CA10: variants seen among roughly 807,000 people sequenced by gnomAD.
CA10 encodes carbonic anhydrase 10 (inactive).
A neutral mutation model predicts 44.2 loss-of-function variants in CA10; 14 were observed. The observed-to-expected ratio is 0.32, with a 90% CI of 0.21 to 0.50. The LOEUF (loss-of-function observed/expected upper bound fraction) is 0.50. Ranked by LOEUF, CA10 falls within the 20% of genes least tolerant of loss-of-function variation. The pLI is 0.99. For missense variants in CA10, 350 were observed against 409.7 expected (o/e 0.85, Z 1.26); for synonymous variants, 159 against 141.6 (o/e 1.12, Z -0.87).
intron 1 of CA10, among the ~76,000 whole-genome samples, chr17:52,111,799 G>A (rs1988793934): frequency 1.3e-5 from 2 of 152,098 alleles, no homozygotes; most frequent in Non-Finnish European, 2.9e-5. Flanking sequence ...ATCTCCTTCT[G>A]AATTAATCAG....
At chr17:51,832,747 T>C (rs1043075573) in intron 3 of CA10, among the ~76,000 whole-genome samples, 2 of 152,308 alleles carry the variant, frequency 1.3e-5, no homozygotes, top group Admixed American at 6.5e-5. Flanking sequence ...TTCACATATA[T>C]GTTTAGTCTC....
At chr17:51,729,709 C>T (rs558876610) in intron 4 of CA10, among the ~76,000 whole-genome samples, 1 of 152,192 alleles carries the variant, frequency 6.6e-6, no homozygotes, top group Non-Finnish European at 1.5e-5. Flanking sequence ...TGCATCATGC[C>T]TCCTACCAGC....
At chr17:51,693,717 C>A (rs1378683216) in intron 4 of CA10, among the ~76,000 whole-genome samples, 1 of 151,964 alleles carries the variant, frequency 6.6e-6, no homozygotes, top group Non-Finnish European at 1.5e-5. Context: ...TGTATATGTA[C>A]CATATTTTCT....
chr17:51,726,042 T>C (rs1054543599), intron 4 of CA10, among the ~76,000 whole-genome samples: 2 of 152,312 alleles, frequency 1.3e-5, no homozygotes, highest in East Asian at 3.9e-4. Flanking sequence ...ATAGCTCAGG[T>C]GCACATTTAA....
intron 3 of CA10, among the ~76,000 whole-genome samples, chr17:51,796,286 A>C (rs890766455): frequency 6.6e-6 from 1 of 151,922 alleles, no homozygotes; most frequent in Non-Finnish European, 1.5e-5. Flanking sequence ...ATCTCATGGA[A>C]GTTAATGAGA....
At chr17:51,693,904 C>A (rs993887889) in intron 4 of CA10, among the ~76,000 whole-genome samples, 3 of 152,014 alleles carry the variant, frequency 2.0e-5, no homozygotes, top group Admixed American at 6.6e-5. Flanking sequence ...GTTCTAAGTT[C>A]TTTAAGAAAT....
intron 3 of CA10, among the ~76,000 whole-genome samples, chr17:51,749,039 A>G (rs1352233326): frequency 1.1e-4 from 16 of 152,206 alleles, no homozygotes; most frequent in Non-Finnish European, 1.9e-4. Context: ...TCCAGGTTGA[A>G]ATAGTGGATT....
chr17:51,916,464 G>A (rs1416561428), intron 3 of CA10, among the ~76,000 whole-genome samples: 2 of 152,128 alleles, frequency 1.3e-5, no homozygotes, highest in East Asian at 1.9e-4. Context: ...ATTGAATCAC[G>A]GGAATGGGTC....
intron 4 of CA10, among the ~76,000 whole-genome samples, chr17:51,675,733 C>A (rs949517320): frequency 9.9e-5 from 15 of 151,408 alleles, no homozygotes; most frequent in Non-Finnish European, 2.1e-4. Context: ...AAAACAAAAA[C>A]AAAAAACACA....
At chr17:52,062,638 C>G (rs1357040499) in intron 2 of CA10, among the ~76,000 whole-genome samples, 1 of 152,180 alleles carries the variant, frequency 6.6e-6, no homozygotes, top group Non-Finnish European at 1.5e-5. Context: ...CACAAATAAC[C>G]CCACATACTA....
intron 3 of CA10, among the ~76,000 whole-genome samples, chr17:51,904,471 A>T (rs1425818732): frequency 6.6e-6 from 1 of 152,070 alleles, no homozygotes. Flanking sequence ...GCAGCGCAAG[A>T]AGAGTCCCCC....
At chr17:51,652,678 G>A (rs1362567715) in intron 5 of CA10, among the ~76,000 whole-genome samples, 1 of 152,218 alleles carries the variant, frequency 6.6e-6, no homozygotes, top group Admixed American at 6.5e-5. Context: ...TTTTGTGGGG[G>A]CGGGGAGAGG....
intron 4 of CA10, among the ~76,000 whole-genome samples, chr17:51,736,037 T>C (rs935118804): frequency 3.9e-5 from 6 of 152,168 alleles, no homozygotes; most frequent in Admixed American, 2.0e-4. Flanking sequence ...AAGCATCATA[T>C]TGTACAGTTT....
At chr17:51,913,283 G>A (rs568306081) in intron 3 of CA10, among the ~76,000 whole-genome samples, 2 of 152,132 alleles carry the variant, frequency 1.3e-5, no homozygotes, top group African/African-American at 2.4e-5. Flanking sequence ...AGAAAAGCAG[G>A]GGGGAGGAAA....
At chr17:51,792,869 T>C (rs1408805714) in intron 3 of CA10, among the ~76,000 whole-genome samples, 3 of 152,206 alleles carry the variant, frequency 2.0e-5, no homozygotes, top group African/African-American at 7.2e-5. Flanking sequence ...ATTTGTATTC[T>C]CCAAAAGACT....
At position 51,630,495 on chromosome 17, in the gene CA10, G is replaced by GCAT. The variant is rs1444494491; in HGVS notation, c.*1086_*1088dup. 1.3e-5 allele frequency: 2 copies of GCAT among 152,634 alleles called. No individual in the cohort carries two copies. 9.5% of individuals were successfully genotyped at this position (152,634 alleles called of 1,614,324 possible). On this transcript the variant is annotated 3_prime_UTR_variant, in exon 9 of 9. Transcript: ENST00000451037. The stretch of plus-strand genomic sequence containing the variant: ...AGGCAAAGTGCATTCCTTCACGGGA[G>GCAT]CATCACAGGGGGGCATGGCAGTTTT...
chr17:51,867,699 C>T (rs969633235), intron 3 of CA10, among the ~76,000 whole-genome samples: 4 of 152,146 alleles, frequency 2.6e-5, no homozygotes, highest in African/African-American at 9.7e-5. Flanking sequence ...AGTCAGTGAT[C>T]TACTGAAGCT....
At chr17:51,849,231 GTGTATA>G (rs372343248) in intron 3 of CA10, among the ~76,000 whole-genome samples, 3,368 of 55,846 alleles carry the variant, frequency 0.06, 141 homozygotes, top group Middle Eastern at 0.15. Flanking sequence ...ATATATGTGT[GTGTATA>G]TATATATATA....
At chr17:52,051,792 G>A (rs746779741) in intron 2 of CA10, among the ~76,000 whole-genome samples, 1 of 151,970 alleles carries the variant, frequency 6.6e-6, no homozygotes, top group Non-Finnish European at 1.5e-5. Flanking sequence ...ATACCCAAAA[G>A]GACATAAATC....
Sources: gnomAD v4.1 joint callset for allele counts (sites outside exome capture counted in the v4.1 genomes callset) on GRCh38, gnomAD v4.1.1 for gene constraint, MANE v1.5 for transcripts, NCBI Gene and HGNC (gene_info 2026-07-23, HGNC 2026-07-21) for gene names.